KAT6B: variants seen among roughly 807,000 people sequenced by gnomAD.
KAT6B encodes the protein lysine acetyltransferase 6B, also known as histone acetyltransferase KAT6B.
Under a neutral mutation model 187.5 loss-of-function variants are expected in KAT6B, and 10 were observed. The observed-to-expected ratio is 0.05, with a 90% confidence interval of 0.03 to 0.09. The LOEUF is 0.09. Among genes scored for constraint, KAT6B ranks in the 10% least tolerant of loss-of-function variants. KAT6B has a pLI of 1.00. For synonymous variants in KAT6B, 861 were observed against 926.8 expected (o/e 0.93, Z 1.29); for missense variants, 1,952 against 2,558.9 (o/e 0.76, Z 5.12).
intron 3 of KAT6B, among the ~76,000 whole-genome samples, chr10:74,873,665 A>C (rs1844184519): frequency 6.6e-6 from 1 of 152,110 alleles, no homozygotes; most frequent in African/African-American, 2.4e-5. Context: ...CATATTTAAC[A>C]GAACTTGCTC....
At chr10:74,924,258 C>T (rs1848336887) in intron 3 of KAT6B, among the ~76,000 whole-genome samples, 1 of 152,090 alleles carries the variant, frequency 6.6e-6, no homozygotes, top group African/African-American at 2.4e-5. Context: ...TTGCTTTTAC[C>T]CTGAGTTTGT....
intron 13 of KAT6B, among the ~76,000 whole-genome samples, chr10:74,993,331 G>T (rs1287387619): frequency 1.3e-5 from 2 of 152,062 alleles, no homozygotes; most frequent in Non-Finnish European, 2.9e-5. Context: ...AAAATTTCCC[G>T]TACATTGTTG....
At chr10:74,907,002 T>C (rs1285255105) in intron 3 of KAT6B, among the ~76,000 whole-genome samples, 1 of 152,232 alleles carries the variant, frequency 6.6e-6, no homozygotes, top group Non-Finnish European at 1.5e-5. Flanking sequence ...TTTAAATTTA[T>C]GTCACTGGTT....
intron 3 of KAT6B, among the ~76,000 whole-genome samples, chr10:74,883,834 C>T (rs989998026): frequency 6.6e-6 from 1 of 152,160 alleles, no homozygotes; most frequent in Non-Finnish European, 1.5e-5. Context: ...AAAGTATGTG[C>T]TTCTTAGCCC....
intron 3 of KAT6B, among the ~76,000 whole-genome samples, chr10:74,881,542 T>C (rs1415737287): frequency 1.3e-5 from 2 of 152,198 alleles, no homozygotes; most frequent in African/African-American, 4.8e-5. Flanking sequence ...CTAAAACCAT[T>C]CATTGATACT....
rs1006624937 is a variant in KAT6B at position 74,984,926 on chromosome 10, G to A, written c.2374-154G>A. On this transcript the variant is annotated intron_variant, in intron 11 of 17. Coordinates refer to ENST00000287239, the MANE Select transcript of KAT6B (RefSeq NM_012330.4). The stretch of plus-strand genomic sequence containing the variant: ...ATTTGCCAGTGACAGCTGTTTTCTG[G>A]TTAAAGCTGTACTTGCTTAATAGAG... The A allele has an allele frequency of 4.5e-5, 32 of 708,796 alleles. No individual in the cohort carries two copies. The African/African-American group carries it at 5.7e-4, about 13-fold the overall frequency. 43.9% of individuals were successfully genotyped at this position (708,796 alleles called of 1,614,324 possible).
At chr10:74,945,725 C>G (rs1052426914) in intron 3 of KAT6B, among the ~76,000 whole-genome samples, 12 of 152,176 alleles carry the variant, frequency 7.9e-5, no homozygotes, top group Admixed American at 2.6e-4. Context: ...GCTGGGATTA[C>G]AGGCATGAGC....
At chr10:74,830,769 T>TATGTATATATATATATATATATA (rs58702000) in intron 1 of KAT6B, among the ~76,000 whole-genome samples, 2 of 7,738 alleles carry the variant, frequency 2.6e-4, no homozygotes, top group Non-Finnish European at 5.2e-4. Flanking sequence ...TATATATATA[T>TATGTATATATATATATATATATA]TTTTTTTTTT....
chr10:74,888,449 CAGAA>C (rs940519656), intron 3 of KAT6B, among the ~76,000 whole-genome samples: 52 of 152,086 alleles, frequency 3.4e-4, no homozygotes, highest in African/African-American at 1.2e-3. Context: ...AAGGCATTGA[CAGAA>C]AGGGAACAAA....
chr10:74,959,920 A>T, intron 3 of KAT6B, 50 bp from the exon 4 acceptor site: 1 of 1,232,230 alleles, frequency 8.1e-7, no homozygotes. Flanking sequence ...TAATGTTTTT[A>T]CTTTTGAAAT....
intron 8 of KAT6B, 158 bp from the exon 9 acceptor site, chr10:74,977,158 G>C (rs749223044): frequency 9.5e-6 from 6 of 629,660 alleles, no homozygotes; most frequent in Non-Finnish European, 1.6e-5. Context: ...GATACTGCTG[G>C]ATCTATGAGC....
chr10:74,867,398 A>G (rs750466532), intron 3 of KAT6B, among the ~76,000 whole-genome samples: 13 of 152,172 alleles, frequency 8.5e-5, no homozygotes, highest in Non-Finnish European at 1.5e-4. Flanking sequence ...GAACAATGAA[A>G]GGATCCAGAT....
chr10:75,023,706 G>T (rs919633774), intron 16 of KAT6B: 3 of 152,200 alleles, frequency 2.0e-5, no homozygotes, highest in Non-Finnish European at 4.4e-5. Context: ...ACAAAAGTAA[G>T]ACACAAGAAT....
At chr10:74,872,218 T>C (rs1281910487) in intron 3 of KAT6B, among the ~76,000 whole-genome samples, 1 of 152,142 alleles carries the variant, frequency 6.6e-6, no homozygotes, top group Non-Finnish European at 1.5e-5. Context: ...TATTACATAC[T>C]CACAGAACCT....
At chr10:74,920,027 C>A (rs937493656) in intron 3 of KAT6B, among the ~76,000 whole-genome samples, 3 of 152,094 alleles carry the variant, frequency 2.0e-5, no homozygotes, top group Non-Finnish European at 2.9e-5. Flanking sequence ...TGTGGGTCTT[C>A]TTCTGTAGTT....
chr10:74,828,082 C>T (rs1337205258), intron 1 of KAT6B, among the ~76,000 whole-genome samples: 1 of 152,142 alleles, frequency 6.6e-6, no homozygotes, highest in Non-Finnish European at 1.5e-5. Context: ...TTTGAATTTG[C>T]TAGTACTTTG....
At chr10:74,888,075 G>A (rs1315785710) in intron 3 of KAT6B, among the ~76,000 whole-genome samples, 1 of 152,152 alleles carries the variant, frequency 6.6e-6, no homozygotes, top group African/African-American at 2.4e-5. Context: ...TCAGAGGTGG[G>A]GTCAGGATAG....
At chr10:74,921,532 A>C (rs989459598) in intron 3 of KAT6B, among the ~76,000 whole-genome samples, 4 of 152,184 alleles carry the variant, frequency 2.6e-5, no homozygotes, top group African/African-American at 7.2e-5. Flanking sequence ...TAAGAAGGAC[A>C]TCACTAAGGG....
chr10:74,865,210 T>A (rs1843471404), intron 3 of KAT6B, among the ~76,000 whole-genome samples: 1 of 152,196 alleles, frequency 6.6e-6, no homozygotes, highest in African/African-American at 2.4e-5. Context: ...ATGTATCAGC[T>A]TTGGAATTTT....
Sources: gnomAD v4.1 joint callset for allele counts (sites outside exome capture counted in the v4.1 genomes callset) on GRCh38, gnomAD v4.1.1 for gene constraint, MANE v1.5 for transcripts, NCBI Gene and HGNC (gene_info 2026-07-23, HGNC 2026-07-21) for gene names.